Variants in SUSD5 observed in about 807,000 individuals in gnomAD.
SUSD5 encodes the protein sushi domain containing 5.
A neutral mutation model predicts 29.5 loss-of-function variants in SUSD5; 33 were observed. The observed-to-expected ratio is 1.12, with a 90% CI of 0.85 to 1.49. The LOEUF is 1.49. SUSD5 is among the 40% of genes most tolerant of loss of function. SUSD5 has a pLI of 0.00. For synonymous variants in SUSD5, 308 were observed against 325.3 expected (o/e 0.95, Z 0.57); for missense variants, 776 against 800.6 (o/e 0.97, Z 0.37).
At chr3:33,171,628 G>A (rs1376682661) in intron 4 of SUSD5, among the ~76,000 whole-genome samples, 5 of 152,126 alleles carry the variant, frequency 3.3e-5, no homozygotes, top group African/African-American at 1.2e-4. Flanking sequence ...ATTTGAACCT[G>A]AGTTGTCAGT....
chr3:33,190,031 T>C (rs115803896), intron 3 of SUSD5, among the ~76,000 whole-genome samples: 2,309 of 152,320 alleles, frequency 0.015, 55 homozygotes, highest in African/African-American at 0.052. Context: ...GGATTGGAAT[T>C]ACTATTCAAA....
chr3:33,215,909 T>C (rs1431859725), intron 1 of SUSD5, among the ~76,000 whole-genome samples: 3 of 152,170 alleles, frequency 2.0e-5, no homozygotes, highest in Non-Finnish European at 2.9e-5. Flanking sequence ...TGAGAATCAA[T>C]GATCTAAGTT....
Position 33,150,486 on chromosome 3 carries a change from TTAAAAA to T in SUSD5, c.*2250_*2255del, listed in dbSNP as rs1426117147. 3.9e-5 allele frequency: 6 copies of T among 152,308 alleles called. No homozygotes were observed. Among genetic ancestry groups the T allele is most frequent in the East Asian group, 3.9e-4 (2 of 5,190 alleles). 9.4% of individuals were successfully genotyped at this position (152,308 alleles called of 1,614,324 possible). ...CTGAGACAGAGGTTATTTTATATAG[TTAAAAA>T]TAGAAAAGTTATCTTGCAGTAGATT... On this transcript the variant is annotated 3_prime_UTR_variant, in exon 5 of 5. Coordinates refer to ENST00000309558, the MANE Select transcript of SUSD5 (RefSeq NM_015551.2).
At chr3:33,215,183 C>T (rs2032406238) in intron 1 of SUSD5, among the ~76,000 whole-genome samples, 1 of 151,852 alleles carries the variant, frequency 6.6e-6, no homozygotes, top group African/African-American at 2.4e-5. Flanking sequence ...AACAAAACTA[C>T]AAGGAAAAAC....
chr3:33,207,283 C>T (rs1297081274), intron 3 of SUSD5, among the ~76,000 whole-genome samples: 1 of 152,190 alleles, frequency 6.6e-6, no homozygotes, highest in Non-Finnish European at 1.5e-5. Flanking sequence ...GTATCAGATG[C>T]TGCCAGGGCT....
chr3:33,206,388 A>T (rs1291496946), intron 3 of SUSD5, among the ~76,000 whole-genome samples: 1 of 148,820 alleles, frequency 6.7e-6, no homozygotes, highest in African/African-American at 2.5e-5. Flanking sequence ...ATAAATAAAT[A>T]AATAAAAATA....
Position 33,204,885 on chromosome 3 carries a change from A to G in SUSD5, c.409+2923T>C, listed in dbSNP as rs2032187756. Among the ~76,000 whole-genome samples, 1 of 152,046 alleles carries G rather than the reference A, an allele frequency of 6.6e-6. No homozygotes were observed. The highest frequency in any genetic ancestry group is 2.1e-4 in the South Asian group (1 of 4,822). On this transcript the variant is annotated intron_variant, in intron 3 of 4. Transcript: ENST00000309558. This position sits in a 1 kb window ranked among gnomAD's most constrained non-coding sequence, Gnocchi z 4.5. ...TACATAAACATTATAAAAGCAAGGA[A>G]CCCACCTTTTATGCAGGTTCACCAA...
At chr3:33,184,160 G>C (rs181558890) in intron 3 of SUSD5, among the ~76,000 whole-genome samples, 1 of 151,454 alleles carries the variant, frequency 6.6e-6, no homozygotes, top group African/African-American at 2.4e-5. Context: ...GGCAGGTCTC[G>C]AACTCCTGAC....
Position 33,218,806 on chromosome 3 carries a change from A to G in SUSD5, c.-9T>C, listed in dbSNP as rs1255506419. 2 of 1,441,552 alleles carry G rather than the reference A, an allele frequency of 1.4e-6. No individual in the cohort carries two copies. Among genetic ancestry groups the G allele is most frequent in the Middle Eastern group, 2.1e-4 (1 of 4,804 alleles). 89.3% of individuals were successfully genotyped at this position (1,441,552 alleles called of 1,614,324 possible). ...GGTCCCTCGGCAGTCATGGTCCGGG[A>G]GTGCGCGGGCCAGCGGACTCGGGTG... On this transcript the variant is annotated 5_prime_UTR_variant, in exon 1 of 5. Coordinates refer to ENST00000309558, the MANE Select transcript of SUSD5 (RefSeq NM_015551.2).
At position 33,203,630 on chromosome 3, in the gene SUSD5, A is replaced by T. The variant is rs549395200; in HGVS notation, c.409+4178T>A. Among the ~76,000 whole-genome samples, 76 of 152,322 alleles carry T rather than the reference A, an allele frequency of 5.0e-4. 1 individual carries two copies. The highest frequency in any genetic ancestry group is 3.9e-4 in the Admixed American group (6 of 15,306). On this transcript the variant is annotated intron_variant, in intron 3 of 4. Transcript: ENST00000309558. Reference sequence around the variant, plus strand: ...GAGCCTTGGCATATGCCTCATCTAAAGCATGCAGTTCTACTCAGCTCACGC... The same window carrying T: ...GAGCCTTGGCATATGCCTCATCTAATGCATGCAGTTCTACTCAGCTCACGC...
At position 33,196,960 on chromosome 3, in the gene SUSD5, G is replaced by C. The variant is rs7636040; in HGVS notation, c.409+10848C>G. 8.5e-3 allele frequency among the ~76,000 whole-genome samples: 1,295 copies of C among 152,294 alleles called. 24 individuals are homozygous for C. The highest frequency in any genetic ancestry group is 0.029 in the African/African-American group (1,197 of 41,564). ...AAATTACTTAACTTTGTTGTGCCTA[G>C]TTACTCATCTGTAAAATTTGGATAA... is the stretch of plus-strand genomic sequence containing the variant. On this transcript the variant is annotated intron_variant, in intron 3 of 4. Coordinates refer to ENST00000309558, the MANE Select transcript of SUSD5 (RefSeq NM_015551.2).
chr3:33,169,369 C>T (rs1559446896), intron 4 of SUSD5, among the ~76,000 whole-genome samples: 5 of 151,998 alleles, frequency 3.3e-5, no homozygotes, highest in South Asian at 4.2e-4. Context: ...TACAGGCGCC[C>T]GCCACCACGC....
Position 33,153,192 on chromosome 3 carries a change from TTCC to T in SUSD5, c.1437_1439del (p.Glu480del). 1 of 1,613,748 alleles carries T rather than the reference TTCC, an allele frequency of 6.2e-7. No homozygotes were observed. Among genetic ancestry groups the T allele is most frequent in the Non-Finnish European group, 8.5e-7 (1 of 1,179,852 alleles). ...CATAGGACAGGGTGGCCATGGGAGA[TTCC>T]TCTGTGATGAATCTCCAGGGTAGAG... On this transcript the variant is annotated inframe_deletion, in exon 5 of 5. Transcript: ENST00000309558.
chr3:33,179,007 A>G (rs1322332481), intron 3 of SUSD5, among the ~76,000 whole-genome samples: 1 of 152,034 alleles, frequency 6.6e-6, no homozygotes, highest in Non-Finnish European at 1.5e-5. Flanking sequence ...GTTGTAGAGA[A>G]TTGGCATAAT....
At chr3:33,205,055 CT>C (rs998104837) in intron 3 of SUSD5, among the ~76,000 whole-genome samples, 51 of 151,966 alleles carry the variant, frequency 3.4e-4, no homozygotes, top group African/African-American at 1.2e-3. Context: ...ATCTATAATT[CT>C]TTTTTGAACC....
intron 4 of SUSD5, among the ~76,000 whole-genome samples, chr3:33,163,211 CA>C (rs1408355398): frequency 9.9e-5 from 15 of 151,958 alleles, no homozygotes; most frequent in Admixed American, 9.2e-4. Context: ...ACCTTGGTAC[CA>C]AAACCTGGCA....
At chr3:33,209,344 C>A (rs1256022646) in intron 2 of SUSD5, among the ~76,000 whole-genome samples, 2 of 152,098 alleles carry the variant, frequency 1.3e-5, no homozygotes, top group African/African-American at 4.8e-5. Flanking sequence ...AATTGTGGAT[C>A]ATTTTCATAT....
chr3:33,172,379 C>T (rs2031445567), intron 4 of SUSD5, among the ~76,000 whole-genome samples: 1 of 152,166 alleles, frequency 6.6e-6, no homozygotes, highest in Non-Finnish European at 1.5e-5. Context: ...ATTTTGGACC[C>T]GCAAAACCTG....
chr3:33,202,568 A>G (rs1457931398), intron 3 of SUSD5, among the ~76,000 whole-genome samples: 16 of 152,196 alleles, frequency 1.1e-4, no homozygotes, highest in Admixed American at 1.0e-3. Context: ...GGGGAGAAAC[A>G]GAAGCACACA....
Sources: allele counts gnomAD v4.1 joint callset (sites outside exome capture counted in the v4.1 genomes callset), GRCh38; gene constraint gnomAD v4.1.1; non-coding constraint Gnocchi (gnomAD v3.1); transcripts MANE v1.5; gene names NCBI Gene and HGNC (gene_info 2026-07-23, HGNC 2026-07-21).